The following ENTREP2 variants were observed in gnomAD, a reference collection of about 807,000 sequenced individuals.
The protein encoded by ENTREP2 is endosomal transmembrane epsin interactor 2.
chr15:29,162,601 T>A, the ENTREP2 span, among the ~76,000 whole-genome samples: 1 of 152,026 alleles, frequency 6.6e-6, no homozygotes, highest in African/African-American at 2.4e-5. Flanking sequence ...CCTAGGTACA[T>A]AACTCCAGTG....
At chr15:29,406,303 T>C in the ENTREP2 span, among the ~76,000 whole-genome samples, 2 of 152,204 alleles carry the variant, frequency 1.3e-5, no homozygotes, top group Non-Finnish European at 1.5e-5. Context: ...TCCCAGCACT[T>C]TGGGAGGCCA....
chr15:29,418,984 C>A, the ENTREP2 span, among the ~76,000 whole-genome samples: 2 of 152,150 alleles, frequency 1.3e-5, no homozygotes, highest in Non-Finnish European at 2.9e-5. Flanking sequence ...TGGAAGGCAG[C>A]CTCAAAATAA....
At chr15:29,582,326 G>A in the ENTREP2 span, among the ~76,000 whole-genome samples, 1 of 152,082 alleles carries the variant, frequency 6.6e-6, no homozygotes, top group African/African-American at 2.4e-5. Flanking sequence ...ATGAATCATG[G>A]ACGGACTTAC....
At chr15:29,405,992 T>A in the ENTREP2 span, among the ~76,000 whole-genome samples, 1 of 152,192 alleles carries the variant, frequency 6.6e-6, no homozygotes, top group Admixed American at 6.5e-5. Context: ...CCATCTACAT[T>A]CACACGGCTT....
At chr15:29,605,708 G>T in the ENTREP2 span, among the ~76,000 whole-genome samples, 1 of 151,726 alleles carries the variant, frequency 6.6e-6, no homozygotes, top group Admixed American at 6.6e-5. Context: ...TGATGGGGGG[G>T]TGCCTATAAT....
chr15:29,277,109 C>T, the ENTREP2 span, among the ~76,000 whole-genome samples: 1 of 152,054 alleles, frequency 6.6e-6, no homozygotes, highest in African/African-American at 2.4e-5. Context: ...TTTGGGAGGC[C>T]GGGGCAGGCA....
chr15:29,313,025 AGAAACTATGAGT>A, the ENTREP2 span, among the ~76,000 whole-genome samples: 1 of 152,216 alleles, frequency 6.6e-6, no homozygotes, highest in South Asian at 2.1e-4. Flanking sequence ...GCTGATTTGG[AGAAACTATGAGT>A]GGTCTAACAG....
At chr15:29,519,461 A>G in the ENTREP2 span, among the ~76,000 whole-genome samples, 1 of 152,032 alleles carries the variant, frequency 6.6e-6, no homozygotes, top group Non-Finnish European at 1.5e-5. Context: ...TATGAAGACT[A>G]CAACAAAGAT....
chr15:29,516,792 C>G, the ENTREP2 span, among the ~76,000 whole-genome samples: 1 of 151,868 alleles, frequency 6.6e-6, no homozygotes, highest in Non-Finnish European at 1.5e-5. Context: ...CAAAAGAGAC[C>G]AACATATGGA....
the ENTREP2 span, among the ~76,000 whole-genome samples, chr15:29,519,140 T>TTCTCTCTC: frequency 6.7e-6 from 1 of 149,364 alleles, no homozygotes; most frequent in African/African-American, 2.5e-5. Flanking sequence ...ATACACCTCT[T>TTCTCTCTC]TCTCTCTCTC....
the ENTREP2 span, among the ~76,000 whole-genome samples, chr15:29,444,192 AAG>A: frequency 7.9e-6 from 1 of 126,730 alleles, no homozygotes; most frequent in African/African-American, 3.1e-5. Context: ...GAAAGAAAGA[AAG>A]AAAGAAAGAA....
the ENTREP2 span, among the ~76,000 whole-genome samples, chr15:29,505,725 A>C: frequency 6.6e-6 from 1 of 152,172 alleles, no homozygotes; most frequent in African/African-American, 2.4e-5. This position sits in a 1 kb window ranked among gnomAD's most constrained non-coding sequence, Gnocchi z 4.3. Flanking sequence ...CATCAACAAA[A>C]AGGATGACCA....
At chr15:29,267,071 C>T in the ENTREP2 span, 1 of 152,152 alleles carries the variant, frequency 6.6e-6, no homozygotes, top group Non-Finnish European at 1.5e-5. Flanking sequence ...GAAGAAATGC[C>T]TGTAAGGGCC....
the ENTREP2 span, chr15:29,569,772 T>C: frequency 6.6e-6 from 1 of 152,258 alleles, no homozygotes; most frequent in Admixed American, 6.5e-5. Flanking sequence ...CTGGCTTCTC[T>C]GATTTGGTGG....
At chr15:29,615,673 A>G in the ENTREP2 span, among the ~76,000 whole-genome samples, 1 of 152,062 alleles carries the variant, frequency 6.6e-6, no homozygotes, top group Non-Finnish European at 1.5e-5. Flanking sequence ...GCAACATCTC[A>G]TCTCTTCCTT....
At chr15:29,559,368 G>T in the ENTREP2 span, among the ~76,000 whole-genome samples, 1 of 151,918 alleles carries the variant, frequency 6.6e-6, no homozygotes, top group East Asian at 1.9e-4. Context: ...AATCATCTTT[G>T]GACCACCAGC....
the ENTREP2 span, chr15:29,195,256 C>A: frequency 8.1e-6 from 8 of 985,218 alleles, no homozygotes; most frequent in African/African-American, 3.5e-5. Flanking sequence ...GTGAGCCAGG[C>A]GTAGTCCTAC....
At chr15:29,240,975 C>A in the ENTREP2 span, among the ~76,000 whole-genome samples, 3 of 152,158 alleles carry the variant, frequency 2.0e-5, no homozygotes, top group Non-Finnish European at 2.9e-5. Flanking sequence ...ACATTTTAAG[C>A]TTATGTCCAA....
At chr15:29,233,781 G>A in the ENTREP2 span, 1 of 1,546,332 alleles carries the variant, frequency 6.5e-7, no homozygotes, top group South Asian at 1.1e-5. Flanking sequence ...TGTGTGTGGT[G>A]TCCAGATGCC....
Sources: gnomAD v4.1 joint callset for allele counts (sites outside exome capture counted in the v4.1 genomes callset) on GRCh38, gnomAD v4.1.1 for gene constraint, Gnocchi (gnomAD v3.1) non-coding constraint, MANE v1.5 for transcripts, NCBI Gene and HGNC (gene_info 2026-07-23, HGNC 2026-07-21) for gene names.